The following PTPRN variants were observed in gnomAD, a reference collection of about 807,000 sequenced individuals.
The protein encoded by PTPRN is receptor-type tyrosine-protein phosphatase-like N.
Under a neutral mutation model 108.5 loss-of-function variants are expected in PTPRN, and 70 were observed. That is an observed-to-expected ratio of 0.65 (90% confidence interval 0.53 to 0.79). The LOEUF (loss-of-function observed/expected upper bound fraction) is 0.79. Ranked by LOEUF, PTPRN falls within the 30% of genes least tolerant of loss-of-function variation. PTPRN has a pLI of 0.00. For synonymous variants in PTPRN, 496 were observed against 524.6 expected (o/e 0.95, Z 0.75); for missense variants, 1,136 against 1,295.5 (o/e 0.88, Z 1.89).
intron 4 of PTPRN, 147 bp from the exon 5 acceptor site, chr2:219,302,984 A>G: frequency 2.5e-6 from 1 of 393,760 alleles, no homozygotes; most frequent in South Asian, 2.2e-5. Flanking sequence ...GGGAAGAGAG[A>G]TGGGCTGGGT....
intron 19 of PTPRN, among the ~76,000 whole-genome samples, chr2:219,294,760 G>A (rs910580082): frequency 1.2e-4 from 18 of 152,108 alleles, no homozygotes; most frequent in African/African-American, 4.3e-4. Flanking sequence ...CGGCCGGCGC[G>A]GAGCTGGCCC....
chr2:219,299,419 C>T (rs897243929), intron 10 of PTPRN, 35 bp from the exon 11 acceptor site: 5 of 1,599,768 alleles, frequency 3.1e-6, no homozygotes, highest in Non-Finnish European at 3.4e-6. Flanking sequence ...GCCTTCTCCA[C>T]CCCAGACCGC....
chr2:219,300,823 T>A, intron 8 of PTPRN, 120 bp downstream of exon 8: 2 of 1,169,864 alleles, frequency 1.7e-6, no homozygotes, highest in South Asian at 2.7e-5. Flanking sequence ...GGGCCTTGGT[T>A]TCCCCCAAAA....
In PTPRN at chr2:219,296,731, G is replaced by A; in HGVS notation, c.2310+18C>T. 6.2e-7 allele frequency: 1 copy of A among 1,613,252 alleles called. No individual in the cohort carries two copies. The highest frequency in any genetic ancestry group is 8.5e-7 in the Non-Finnish European group (1 of 1,179,574). ...TAATGATGGGGCAGAGGTGGGGGCT[G>A]GAGTCAGGGCCACTCACAATGGGGC... On this transcript the variant is annotated intron_variant, in intron 16 of 22. Coordinates refer to ENST00000295718, the MANE Select transcript of PTPRN (RefSeq NM_002846.4). The surrounding 1 kb of genome is among the most constrained non-coding windows in gnomAD (Gnocchi z 6.0).
chr2:219,294,097 C>G, intron 19 of PTPRN: 1 of 529,432 alleles, frequency 1.9e-6, no homozygotes, highest in South Asian at 1.4e-5. Context: ...CATGTCCTGT[C>G]TGTCCATGCA....
Position 219,299,821 on chromosome 2 carries a change from G to A in PTPRN, c.1437-35C>T, listed in dbSNP as rs1247037522. ...GGAGAAGGCAGAGGAAGGAAAGTGG[G>A]GCAACCCTCTCAGTCACTTTCTTAA... On this transcript the variant is annotated intron_variant, in intron 9 of 22. Coordinates refer to ENST00000295718, the MANE Select transcript of PTPRN (RefSeq NM_002846.4). 1.9e-6 allele frequency: 3 copies of A among 1,577,152 alleles called. No homozygotes were observed. The East Asian group carries it at 6.7e-5, about 35-fold the overall frequency.
chr2:219,308,446 T>C (rs1157590747), intron 1 of PTPRN: 2 of 202,076 alleles, frequency 9.9e-6, no homozygotes, highest in East Asian at 2.6e-4. Context: ...TGTTGTATTC[T>C]GCCAACCCAC....
Position 219,294,997 on chromosome 2 carries a change from G to A in PTPRN, c.2653C>T (p.Arg885Trp), listed in dbSNP as rs201664619. ...WPAEGTPAST[R>W]PLLDFRRKVN... ...CACCTGCGGAAGTCCAGCAGGGGCC[G>A]CGTGGAGGCCGGTGTGCCCTCTGCC... Residue 885 changes from arginine to tryptophan, a missense_variant, in exon 19 of 23, where the codon CGG (arginine) becomes TGG (tryptophan). By Grantham distance (101) the Arg-to-Trp change is moderately radical. Coordinates refer to ENST00000295718, the MANE Select transcript of PTPRN (RefSeq NM_002846.4). 1 of 1,600,800 alleles carries A rather than the reference G, an allele frequency of 6.2e-7. No individual in the cohort carries two copies. Among genetic ancestry groups the A allele is most frequent in the South Asian group, 1.1e-5 (1 of 88,994 alleles).
rs778155767 is a variant in PTPRN at position 219,299,999 on chromosome 2, G to A, written c.1422C>T (p.Ile474=). The change falls in exon 9 of 23, where the codon ATC becomes ATT. Residue 474 remains isoleucine (I), a synonymous_variant. Coordinates refer to ENST00000295718, the MANE Select transcript of PTPRN (RefSeq NM_002846.4). The stretch of plus-strand genomic sequence containing the variant: ...GCAGCCCTTACTTCTGATCAGTGAC[G>A]ATGTAGCCATATTCCTCTGCTGCTG... The part of the protein sequence containing the change: ...ARPAAEEYGY[I]VTDQKPLSLA... 17 of 1,614,088 alleles carry A rather than the reference G, an allele frequency of 1.1e-5. No homozygotes were observed. The highest frequency in any genetic ancestry group is 1.6e-4 in the Middle Eastern group (1 of 6,084).
At position 219,308,762 on chromosome 2, in the gene PTPRN, CCT is replaced by C. The variant is rs145365741; in HGVS notation, c.115+454_115+455del. On this transcript the variant is annotated intron_variant, in intron 1 of 22. Coordinates refer to ENST00000295718, the MANE Select transcript of PTPRN (RefSeq NM_002846.4). ...CTCTAGGCTTACGGAGAAACCCTGG[CCT>C]CTCTCTCTGCCCAGCTGGGACTCTA... 5.3e-5 allele frequency: 60 copies of C among 1,140,198 alleles called. No homozygotes were observed. The East Asian group carries it at 2.6e-3, about 50-fold the overall frequency. The allele number at this position is 1,140,198 out of a possible 1,614,324, so 70.6% of individuals were successfully genotyped here.
At position 219,309,396 on chromosome 2, in the gene PTPRN, A is replaced by G; in HGVS notation, c.-64T>C. 1.2e-6 allele frequency: 1 copy of G among 850,950 alleles called. No homozygotes were observed. Among genetic ancestry groups the G allele is most frequent in the Non-Finnish European group, 1.7e-6 (1 of 590,502 alleles). The allele number at this position is 850,950 out of a possible 1,614,324, so 52.7% of individuals were successfully genotyped here. A position where few individuals can be genotyped will look rare whatever the true frequency, so the allele number is the denominator to read the frequency against. On this transcript the variant is annotated 5_prime_UTR_variant, in exon 1 of 23. Transcript: ENST00000295718. ...GCAGCGACGCTGGCGGGAGCCTGCCAGAGGGGCTGAGGCGGGGCTTGCCGC... is the reference window on the plus strand; with the variant it reads ...GCAGCGACGCTGGCGGGAGCCTGCCGGAGGGGCTGAGGCGGGGCTTGCCGC...
Position 219,302,274 on chromosome 2 carries a change from G to A in PTPRN, c.857C>T (p.Pro286Leu). ...TGGCACCCTGGCCCTGCTGGGTGCT[G>A]GCAACTCCTGGGCCAGATAGAGCAG... ...SGLLYLAQEL[P>L]APSRARVPRL... is the part of the protein sequence containing the mutation. The change falls in exon 6 of 23, where the codon CCA (proline) becomes CTA (leucine). Residue 286 changes from proline (P) to leucine (L), a missense_variant. By Grantham distance (98) the Pro-to-Leu change is moderately conservative (BLOSUM62 -3). Coordinates refer to ENST00000295718, the MANE Select transcript of PTPRN (RefSeq NM_002846.4). 1 of 1,614,178 alleles carries A rather than the reference G, an allele frequency of 6.2e-7. No individual in the cohort carries two copies.
chr2:219,291,150 C>T (rs1952045005), intron 20 of PTPRN, among the ~76,000 whole-genome samples: 1 of 152,166 alleles, frequency 6.6e-6, no homozygotes, highest in African/African-American at 2.4e-5. Flanking sequence ...AGCCATGGCT[C>T]AGCCCAGAAG....
chr2:219,294,020 C>A (rs746255454), intron 19 of PTPRN: 2 of 480,012 alleles, frequency 4.2e-6, no homozygotes, highest in Non-Finnish European at 8.6e-6. Flanking sequence ...TCCTCCCACA[C>A]TCCTTTCGAC....
intron 4 of PTPRN, 34 bp downstream of exon 4, chr2:219,303,701 A>T: frequency 6.4e-7 from 1 of 1,568,850 alleles, no homozygotes; most frequent in Non-Finnish European, 8.8e-7. Context: ...CATCAGCCTC[A>T]CCATTGCTAG....
Position 219,290,583 on chromosome 2 carries a change from G to T in PTPRN, c.2823C>A (p.Thr941=), listed in dbSNP as rs945247901. ...GCCGCTGGTCACGGACATGCTCCAG[G>T]GTGGCAGCGATGTCAATCTCCTTCA... ...KGVKEIDIAA[T]LEHVRDQRPG... Residue 941 remains threonine, a synonymous_variant, in exon 22 of 23, where the codon ACC becomes ACA. Transcript: ENST00000295718. The surrounding 1 kb of genome is among the most constrained non-coding windows in gnomAD (Gnocchi z 4.2). 4 of 1,551,672 alleles carry T rather than the reference G, an allele frequency of 2.6e-6. No individual in the cohort carries two copies. The highest frequency in any genetic ancestry group is 3.5e-6 in the Non-Finnish European group (4 of 1,147,052).
intron 19 of PTPRN, among the ~76,000 whole-genome samples, chr2:219,294,495 A>T (rs1952128549): frequency 1.3e-5 from 2 of 151,266 alleles, no homozygotes; most frequent in African/African-American, 4.9e-5. Context: ...AGGCGAAGAG[A>T]CGGAGAGGGA....
intron 1 of PTPRN, chr2:219,308,947 C>G: frequency 2.1e-6 from 3 of 1,455,040 alleles, no homozygotes; most frequent in Non-Finnish European, 2.8e-6. Flanking sequence ...AGTCCCTCTG[C>G]CCACATGCAC....
chr2:219,299,068 G>A lies in PTPRN; in HGVS notation c.1647C>T (p.Ile549=). 6.2e-7 allele frequency: 1 copy of A among 1,614,268 alleles called. No individual in the cohort carries two copies. Among genetic ancestry groups the A allele is most frequent in the Non-Finnish European group, 8.5e-7 (1 of 1,180,056 alleles). ...ATACCTGTCCCACTCCTGTCTGCAA[G>A]ATTTGGAGCCCTGTCTGTGCTTCCA... The part of the protein sequence containing the change: ...SELEAQTGLQ[I]LQTGVGQREE... Residue 549 remains isoleucine (I), a synonymous_variant, in exon 12 of 23, where the codon ATC becomes ATT. Transcript: ENST00000295718.
Sources: allele counts gnomAD v4.1 joint callset (sites outside exome capture counted in the v4.1 genomes callset), GRCh38; gene constraint gnomAD v4.1.1; non-coding constraint Gnocchi (gnomAD v3.1); transcripts MANE v1.5; gene names NCBI Gene and HGNC (gene_info 2026-07-23, HGNC 2026-07-21).